OPCML: variants seen among roughly 807,000 people sequenced by gnomAD.
The protein encoded by OPCML is opioid-binding protein/cell adhesion molecule.
In OPCML, 13 loss-of-function variants were observed where a neutral mutation model predicts 37.8. The ratio of observed to expected loss-of-function variants is 0.34; its 90% CI spans 0.22 to 0.55. OPCML has a LOEUF of 0.55. Among genes scored for constraint, OPCML ranks in the 20% least tolerant of loss-of-function variants. The probability of loss-of-function intolerance (pLI) is 0.91; values close to 1 mark genes in which losing one functional copy is unlikely to be tolerated. For missense variants in OPCML, 341 were observed against 435.6 expected, an observed-to-expected ratio of 0.78 and a Z score of 1.93; for synonymous variants, 176 against 168.8, an observed-to-expected ratio of 1.04 and a Z score of -0.33.
chr11:132,892,973 A>T (rs528977391), intron 2 of OPCML, among the ~76,000 whole-genome samples: 1 of 152,200 alleles, frequency 6.6e-6, no homozygotes, highest in East Asian at 1.9e-4. Context: ...TCCTTCTCAC[A>T]ACTTCTATTA....
Position 133,004,872 on chromosome 11 carries a change from T to C in OPCML, c.62-61862A>G, listed in dbSNP as rs1947076289. 5 of 985,416 alleles carry C rather than the reference T, an allele frequency of 5.1e-6. No homozygotes were observed. The South Asian group carries it at 1.9e-4, about 37-fold the overall frequency. 61.0% of individuals were successfully genotyped at this position (985,416 alleles called of 1,614,324 possible). A position where few individuals can be genotyped will look rare whatever the true frequency, so the allele number is the denominator to read the frequency against. ...ATCCCCAAGACAGAAATCAACGAGC[T>C]GTGGTGTCTAGGTCCACTGTATCCC... is the stretch of plus-strand genomic sequence containing the variant. On this transcript the variant is annotated intron_variant, in intron 1 of 7. Transcript: ENST00000524381.
At chr11:132,603,236 C>G (rs948492806) in intron 3 of OPCML, among the ~76,000 whole-genome samples, 7 of 152,110 alleles carry the variant, frequency 4.6e-5, no homozygotes, top group Non-Finnish European at 5.9e-5. Context: ...TCCTACTGAT[C>G]CATCATAGGA....
intron 1 of OPCML, among the ~76,000 whole-genome samples, chr11:132,968,634 G>C (rs1946268714): frequency 6.6e-6 from 1 of 152,126 alleles, no homozygotes; most frequent in Admixed American, 6.6e-5. Context: ...TCTCAATCCT[G>C]CCACATTGGC....
chr11:133,113,428 GGA>G (rs1340905089), intron 1 of OPCML, among the ~76,000 whole-genome samples: 2 of 152,114 alleles, frequency 1.3e-5, no homozygotes, highest in Admixed American at 6.5e-5. Flanking sequence ...CAAGGAAGCA[GGA>G]GAGAAAAAAA....
chr11:133,314,232 CAAAAAAAAAA>C (rs59843718), intron 1 of OPCML, among the ~76,000 whole-genome samples: 3 of 49,750 alleles, frequency 6.0e-5, no homozygotes, highest in Non-Finnish European at 1.1e-4. Flanking sequence ...GACTCCGTCT[CAAAAAAAAAA>C]AAAAAAAAAA....
At chr11:133,017,264 A>T (rs1301696737) in intron 1 of OPCML, among the ~76,000 whole-genome samples, 1 of 152,138 alleles carries the variant, frequency 6.6e-6, no homozygotes, top group East Asian at 1.9e-4. Context: ...TCCTTCTAAC[A>T]TCATCACACC....
At chr11:133,489,608 A>C (rs1219038629) in intron 1 of OPCML, among the ~76,000 whole-genome samples, 1 of 152,162 alleles carries the variant, frequency 6.6e-6, no homozygotes. Context: ...AGACTAAAAA[A>C]TGCTTATACA....
intron 2 of OPCML, among the ~76,000 whole-genome samples, chr11:132,721,442 C>A (rs1165805734): frequency 6.6e-6 from 1 of 152,094 alleles, no homozygotes; most frequent in African/African-American, 2.4e-5. Flanking sequence ...TGGCTAGGGA[C>A]CAGCAAGGCA....
At chr11:133,250,225 T>C (rs551942324) in intron 1 of OPCML, among the ~76,000 whole-genome samples, 1 of 152,350 alleles carries the variant, frequency 6.6e-6, no homozygotes, top group Non-Finnish European at 1.5e-5. Context: ...TGTTCCCTCT[T>C]ATGTATTTCT....
At chr11:133,146,252 G>A (rs377011247) in intron 1 of OPCML, among the ~76,000 whole-genome samples, 1 of 151,782 alleles carries the variant, frequency 6.6e-6, no homozygotes, top group African/African-American at 2.4e-5. Flanking sequence ...CTGGGAGGGA[G>A]AGGTCATGAT....
rs185806257 is a variant in OPCML at position 133,353,615 on chromosome 11, C to G, written c.61+178649G>C. On this transcript the variant is annotated intron_variant, in intron 1 of 7. Coordinates refer to ENST00000524381, the MANE Select transcript of OPCML (RefSeq NM_001012393.5). ...GTTCAAAGCCTCTGGTCCCTTCTCT[C>G]TAAGGAAATCAGTAAGCTCACTGTC... Among the ~76,000 whole-genome samples the G allele has an allele frequency of 1.1e-3, 174 of 152,308 alleles. 1 individual carries two copies. The highest frequency in any genetic ancestry group is 4.0e-3 in the African/African-American group (168 of 41,562).
chr11:133,159,495 C>G (rs1950112677), intron 1 of OPCML, among the ~76,000 whole-genome samples: 1 of 152,190 alleles, frequency 6.6e-6, no homozygotes, highest in Admixed American at 6.5e-5. Flanking sequence ...GTCAATCTCA[C>G]ATTAGAGGGA....
intron 7 of OPCML, among the ~76,000 whole-genome samples, chr11:132,423,799 G>C (rs1178724441): frequency 6.6e-6 from 1 of 152,208 alleles, no homozygotes; most frequent in Admixed American, 6.5e-5. Flanking sequence ...TGAGGCTTTT[G>C]TAAATGTTAG....
At chr11:132,662,847 G>A (rs1942042816) in intron 2 of OPCML, among the ~76,000 whole-genome samples, 1 of 152,218 alleles carries the variant, frequency 6.6e-6, no homozygotes, top group Non-Finnish European at 1.5e-5. Context: ...AGTGATCTGG[G>A]TAGTTGGAGA....
At chr11:132,752,783 T>C (rs1328468272) in intron 2 of OPCML, among the ~76,000 whole-genome samples, 1 of 152,068 alleles carries the variant, frequency 6.6e-6, no homozygotes, top group African/African-American at 2.4e-5. Flanking sequence ...AGAAGATAGA[T>C]TGAAGGATAG....
intron 1 of OPCML, among the ~76,000 whole-genome samples, chr11:133,276,713 G>A (rs1288582314): frequency 2.6e-5 from 4 of 151,932 alleles, no homozygotes; most frequent in Non-Finnish European, 5.9e-5. Flanking sequence ...GAAACTGTTG[G>A]TCATCTTCTT....
intron 2 of OPCML, among the ~76,000 whole-genome samples, chr11:132,927,495 A>G (rs1945034749): frequency 1.3e-5 from 2 of 152,154 alleles, no homozygotes; most frequent in South Asian, 4.1e-4. Context: ...TTCAAAAATA[A>G]GAGAGAAGTT....
At chr11:132,872,839 C>T (rs1942862376) in intron 2 of OPCML, among the ~76,000 whole-genome samples, 1 of 151,454 alleles carries the variant, frequency 6.6e-6, no homozygotes, top group South Asian at 2.2e-4. Context: ...CCTGTCATGC[C>T]ACCTTGCTCC....
chr11:133,124,985 C>G (rs1466308472), intron 1 of OPCML, among the ~76,000 whole-genome samples: 1 of 152,090 alleles, frequency 6.6e-6, no homozygotes, highest in Non-Finnish European at 1.5e-5. Flanking sequence ...CTGCTTAAAC[C>G]CCATATGGGT....
Sources: allele counts gnomAD v4.1 joint callset (sites outside exome capture counted in the v4.1 genomes callset), GRCh38; gene constraint gnomAD v4.1.1; transcripts MANE v1.5; gene names NCBI Gene and HGNC (gene_info 2026-07-23, HGNC 2026-07-21).